The following RARA variants were observed in gnomAD, a reference collection of about 807,000 sequenced individuals.
RARA encodes the protein PML-DDX5-RARA fusion.
Under a neutral mutation model 42.8 loss-of-function variants are expected in RARA, and 5 were observed. The ratio of observed to expected loss-of-function variants is 0.12; its 90% confidence interval spans 0.06 to 0.25. The LOEUF (loss-of-function observed/expected upper bound fraction) is 0.25, where lower values mean the gene tolerates loss of function less well. Ranked by LOEUF, RARA falls within the 10% of genes least tolerant of loss-of-function variation. The pLI, the probability that RARA is intolerant of heterozygous loss-of-function variation, is 1.00. For missense variants in RARA, 402 were observed against 628.7 expected (o/e 0.64, Z 3.86); for synonymous variants, 256 against 259.5 (o/e 0.99, Z 0.13).
chr17:40,325,148 G>A (rs1453945653), intron 1 of RARA, among the ~76,000 whole-genome samples: 1 of 152,046 alleles, frequency 6.6e-6, no homozygotes, highest in Admixed American at 6.5e-5. Context: ...CTACTAGGGA[G>A]GATGAGGCAG....
intron 1 of RARA, among the ~76,000 whole-genome samples, chr17:40,315,165 TATATATACACAC>T (rs1302252222): frequency 8.2e-6 from 1 of 121,442 alleles, no homozygotes; most frequent in Non-Finnish European, 1.6e-5. Context: ...TATATATATA[TATATATACACAC>T]ACACACACAC....
At chr17:40,338,853 A>G (rs1426079684) in intron 2 of RARA, among the ~76,000 whole-genome samples, 2 of 151,768 alleles carry the variant, frequency 1.3e-5, no homozygotes, top group East Asian at 3.9e-4. Flanking sequence ...CCCCATCTCT[A>G]CAGAATATAC....
At position 40,354,799 on chromosome 17, in the gene RARA, T is replaced by A. The variant is rs2034563230; in HGVS notation, c.1012+293T>A. On this transcript the variant is annotated intron_variant, in intron 7 of 8. Transcript: ENST00000254066. The surrounding 1 kb of genome is among the most constrained non-coding windows in gnomAD (Gnocchi z 4.5). ...TGCTGAACTTCTCTGGGCCTCCGTTTCTGTACAGTGGGGGCGGTAACGGTC... is the reference window on the plus strand; with the variant it reads ...TGCTGAACTTCTCTGGGCCTCCGTTACTGTACAGTGGGGGCGGTAACGGTC... Among the ~76,000 whole-genome samples, 1 of 152,180 alleles carries A rather than the reference T, an allele frequency of 6.6e-6. No individual in the cohort carries two copies. The highest frequency in any genetic ancestry group is 1.5e-5 in the Non-Finnish European group (1 of 68,024).
At chr17:40,325,064 A>G (rs1279970093) in intron 1 of RARA, among the ~76,000 whole-genome samples, 3 of 152,114 alleles carry the variant, frequency 2.0e-5, no homozygotes, top group South Asian at 2.1e-4. Context: ...CAGCCTGGTG[A>G]ACATGGTGAA....
chr17:40,338,471 G>A lies in RARA; in HGVS notation c.178+7075G>A, dbSNP rs545812632. Among the ~76,000 whole-genome samples the A allele has an allele frequency of 1.3e-5, 2 of 152,272 alleles. 1 individual carries two copies. Among genetic ancestry groups the A allele is most frequent in the South Asian group, 4.1e-4 (2 of 4,822 alleles). ...GACCAAGGGCCTTCCATGGGCAGGA[G>A]TCTTAAAGGACAGTTCTTCCTGTGT... On this transcript the variant is annotated intron_variant, in intron 2 of 8. Coordinates refer to ENST00000254066, the MANE Select transcript of RARA (RefSeq NM_000964.4).
At chr17:40,335,896 G>T (rs1295661456) in intron 2 of RARA, among the ~76,000 whole-genome samples, 2 of 151,834 alleles carry the variant, frequency 1.3e-5, no homozygotes, top group Non-Finnish European at 2.9e-5. Flanking sequence ...TCAGCTACTC[G>T]GGAGGCTGAG....
rs116369621 is a variant in RARA at position 40,317,386 on chromosome 17, A to C, written c.-363+8100A>C. 5.3e-3 allele frequency among the ~76,000 whole-genome samples: 809 copies of C among 152,250 alleles called. 6 individuals carry two copies. Among genetic ancestry groups the C allele is most frequent in the African/African-American group, 0.019 (789 of 41,528 alleles). On this transcript the variant is annotated intron_variant, in intron 1 of 8. Coordinates refer to ENST00000254066, the MANE Select transcript of RARA (RefSeq NM_000964.4). Reference sequence around the variant, plus strand: ...GCTGCAGGCTGGGAGGGGGGTCATGACTGTATTGGGGACTGGGGGTCTCTC... The same window carrying C: ...GCTGCAGGCTGGGAGGGGGGTCATGCCTGTATTGGGGACTGGGGGTCTCTC...
At chr17:40,311,989 T>C (rs2033104511) in intron 1 of RARA, among the ~76,000 whole-genome samples, 1 of 152,320 alleles carries the variant, frequency 6.6e-6, no homozygotes, top group African/African-American at 2.4e-5. Context: ...TTAGTTTTTT[T>C]CCCCATGATA....
rs768510672 is a variant in RARA at position 40,352,480 on chromosome 17, C to A, written c.780C>A (p.Leu260=). The A allele has an allele frequency of 1.3e-5, 21 of 1,611,802 alleles. No individual in the cohort carries two copies. Among genetic ancestry groups the A allele is most frequent in the Non-Finnish European group, 1.8e-5 (21 of 1,178,682 alleles). The change falls in exon 6 of 9, where the codon CTC becomes CTA. Residue 260 remains leucine (L), a synonymous_variant. Coordinates refer to ENST00000254066, the MANE Select transcript of RARA (RefSeq NM_000964.4). The surrounding 1 kb of genome is among the most constrained non-coding windows in gnomAD (Gnocchi z 4.9). ...TCACCATCGCCGACCAGATCACCCT[C>A]CTCAAGGCTGCCTGCCTGGACATCC... is the stretch of plus-strand genomic sequence containing the variant. The part of the protein sequence containing the change: ...TTLTIADQIT[L]LKAACLDILI...
intron 2 of RARA, among the ~76,000 whole-genome samples, chr17:40,336,223 G>A (rs1028187411): frequency 4.0e-4 from 61 of 151,652 alleles, no homozygotes; most frequent in African/African-American, 1.4e-3. Flanking sequence ...GATTACAGGC[G>A]CCCGCCACTA....
At chr17:40,339,676 C>T (rs947467198) in intron 2 of RARA, among the ~76,000 whole-genome samples, 2 of 152,164 alleles carry the variant, frequency 1.3e-5, no homozygotes, top group Admixed American at 1.3e-4. Context: ...TGCCTCCCTA[C>T]TTAGAATGCC....
At chr17:40,334,773 C>T (rs999223853) in intron 2 of RARA, among the ~76,000 whole-genome samples, 4 of 152,156 alleles carry the variant, frequency 2.6e-5, no homozygotes, top group Non-Finnish European at 5.9e-5. Flanking sequence ...TGTTGGGTCC[C>T]TCCTCCCCCT....
intron 1 of RARA, among the ~76,000 whole-genome samples, chr17:40,327,132 G>T (rs868212175): frequency 1.3e-5 from 2 of 152,006 alleles, no homozygotes; most frequent in Non-Finnish European, 1.5e-5. Context: ...TGAGGTGGGG[G>T]TAGTGGGGAT....
rs2143536340 is a variant in RARA, at chr17:40,355,180, C to T, written c.1013-83C>T. On this transcript the variant is annotated intron_variant, in intron 7 of 8. Coordinates refer to ENST00000254066, the MANE Select transcript of RARA (RefSeq NM_000964.4). The surrounding 1 kb of genome is among the most constrained non-coding windows in gnomAD (Gnocchi z 4.1). ...CCTGCGAGCTGCCCTCCTCCATGGC[C>T]TGGGCAGGCACGCCCCCCGGTGGCC... The T allele has an allele frequency of 2.0e-6, 3 of 1,474,978 alleles. No individual in the cohort carries two copies. Among genetic ancestry groups the T allele is most frequent in the East Asian group, 2.5e-5 (1 of 40,198 alleles). 91.4% of individuals were successfully genotyped at this position (1,474,978 alleles called of 1,614,324 possible).
rs1017343402 is a variant in RARA, at chr17:40,356,863, C to T, written c.*637C>T. ...GATCCAGAGCTGGAGGGGGTGGGTC[C>T]GGGGGAGGGAGTGGCTCGGAAGGGG... On this transcript the variant is annotated 3_prime_UTR_variant, in exon 9 of 9. Transcript: ENST00000254066. The T allele has an allele frequency of 4.8e-4, 75 of 155,256 alleles. No individual in the cohort carries two copies. Among genetic ancestry groups the T allele is most frequent in the Non-Finnish European group, 7.9e-4 (64 of 81,102 alleles). 9.6% of individuals were successfully genotyped at this position (155,256 alleles called of 1,614,324 possible).
intron 2 of RARA, chr17:40,342,788 G>A (rs772058240): frequency 1.2e-6 from 2 of 1,612,664 alleles, no homozygotes; most frequent in African/African-American, 2.7e-5. Context: ...GGGCCTGTTT[G>A]CTCCCAGAGA....
intron 4 of RARA, chr17:40,350,598 G>GACGCCT (rs2034409944): frequency 6.6e-6 from 1 of 152,268 alleles, no homozygotes; most frequent in African/African-American, 2.4e-5. Context: ...GACGCTGACA[G>GACGCCT]ACGCCTCCTT....
chr17:40,314,798 C>T (rs1382877391), intron 1 of RARA, among the ~76,000 whole-genome samples: 3 of 151,502 alleles, frequency 2.0e-5, no homozygotes, highest in Admixed American at 6.6e-5. Context: ...GAGTCACTGC[C>T]CTGGCATCTC....
chr17:40,342,312 C>A, intron 2 of RARA: 1 of 1,067,988 alleles, frequency 9.4e-7, no homozygotes, highest in Non-Finnish European at 1.1e-6. Flanking sequence ...AGGAAGTGCT[C>A]GTTGACCCCC....
Sources: allele counts gnomAD v4.1 joint callset (sites outside exome capture counted in the v4.1 genomes callset), GRCh38; gene constraint gnomAD v4.1.1; non-coding constraint Gnocchi (gnomAD v3.1); transcripts MANE v1.5; gene names NCBI Gene and HGNC (gene_info 2026-07-23, HGNC 2026-07-21).